Variants in SMC1B observed in about 807,000 individuals in gnomAD.
SMC1B encodes the protein structural maintenance of chromosomes 1B.
Under a neutral mutation model 157.9 loss-of-function variants are expected in SMC1B, and 60 were observed. The observed-to-expected ratio is 0.38, with a 90% CI of 0.31 to 0.47. The LOEUF (loss-of-function observed/expected upper bound fraction) is 0.47, where lower values mean the gene tolerates loss of function less well. SMC1B is among the 20% of genes least tolerant of loss of function. The pLI is 0.99. For synonymous variants in SMC1B, 445 were observed against 483.0 expected, an observed-to-expected ratio of 0.92 and a Z score of 1.03; for missense variants, 1,165 against 1,426.2, an observed-to-expected ratio of 0.82 and a Z score of 2.95.
intron 5 of SMC1B, among the ~76,000 whole-genome samples, chr22:45,400,542 G>A (rs2087180142): frequency 6.6e-6 from 1 of 152,266 alleles, no homozygotes; most frequent in South Asian, 2.1e-4. Context: ...AAATAATTAA[G>A]TAGAGACAAA....
chr22:45,408,593 A>T, intron 2 of SMC1B, 117 bp downstream of exon 2: 1 of 629,890 alleles, frequency 1.6e-6, no homozygotes, highest in Non-Finnish European at 2.6e-6. Context: ...AAGAGAAAAA[A>T]GAACTCTAGT....
rs763710587 is a variant in SMC1B at position 45,345,474 on chromosome 22, G to A, written c.3591C>T (p.Ile1197=). 11 of 1,611,882 alleles carry A rather than the reference G, an allele frequency of 6.8e-6. No individual in the cohort carries two copies. Among genetic ancestry groups the A allele is most frequent in the East Asian group, 2.2e-5 (1 of 44,844 alleles). Residue 1197 remains isoleucine, a synonymous_variant, in exon 24 of 25, where the codon ATC becomes ATT. Transcript: ENST00000357450. ...TTGTCTTTACCTCAGGATAGATGCC[G>A]ATCAGCGCGTCGGCTCTGGAATAGA... is the stretch of plus-strand genomic sequence containing the variant. ...EEFYSRADAL[I]GIYPEYDDCM...
intron 6 of SMC1B, 35 bp downstream of exon 6, chr22:45,399,060 A>G (rs2087160607): frequency 6.3e-7 from 1 of 1,576,796 alleles, no homozygotes; most frequent in East Asian, 2.2e-5. Flanking sequence ...GAAATAATAG[A>G]AACACAAGAT....
chr22:45,383,047 C>A (rs2086952016), intron 12 of SMC1B, among the ~76,000 whole-genome samples: 1 of 151,982 alleles, frequency 6.6e-6, no homozygotes, highest in Non-Finnish European at 1.5e-5. Flanking sequence ...GCAGGAGAAT[C>A]ACTTGAACCC....
At chr22:45,394,419 T>A (rs535571040) in intron 8 of SMC1B, among the ~76,000 whole-genome samples, 1 of 152,062 alleles carries the variant, frequency 6.6e-6, no homozygotes, top group African/African-American at 2.4e-5. Context: ...GGAGGGTGGA[T>A]TGCTTGGTCC....
At chr22:45,411,820 G>A (rs572581745) in intron 1 of SMC1B, among the ~76,000 whole-genome samples, 1 of 152,104 alleles carries the variant, frequency 6.6e-6, no homozygotes, top group East Asian at 1.9e-4. Flanking sequence ...CCTACCTCCA[G>A]TGATCTGCCT....
intron 4 of SMC1B, among the ~76,000 whole-genome samples, chr22:45,404,551 C>A (rs967562662): frequency 2.0e-5 from 3 of 152,192 alleles, no homozygotes; most frequent in Admixed American, 1.3e-4. Flanking sequence ...TACCTGGAGG[C>A]TTCCTGTGCA....
At chr22:45,393,997 G>A (rs1274144389) in intron 8 of SMC1B, among the ~76,000 whole-genome samples, 156 bp from the exon 9 acceptor site, 2 of 151,852 alleles carry the variant, frequency 1.3e-5, no homozygotes, top group Non-Finnish European at 2.9e-5. Context: ...ACCAAACATG[G>A]GCAAAAAAGA....
chr22:45,413,386 C>G, intron 1 of SMC1B, 73 bp downstream of exon 1: 1 of 1,243,152 alleles, frequency 8.0e-7, no homozygotes, highest in Non-Finnish European at 1.1e-6. Context: ...CGCCCACACC[C>G]CACAGGCCAC....
In SMC1B at chr22:45,349,734, T is replaced by A; in HGVS notation, c.3489A>T (p.Ile1163=). Residue 1163 remains isoleucine, a synonymous_variant, in exon 23 of 25, where the codon ATA becomes ATT. Coordinates refer to ENST00000357450, the MANE Select transcript of SMC1B (RefSeq NM_148674.5). ...ATGAAAAGCAGAAACTTACTTTGCC[T>A]ATGTTAGTATTGTCTAGGGCTGCAT... ...EVDAALDNTN[I]GKVSSYIKEQ... The A allele has an allele frequency of 6.2e-7, 1 of 1,612,058 alleles. No individual in the cohort carries two copies. The highest frequency in any genetic ancestry group is 8.5e-7 in the Non-Finnish European group (1 of 1,178,994).
chr22:45,371,602 G>A lies in SMC1B; in HGVS notation c.2197-15C>T. On this transcript the variant is annotated splice_polypyrimidine_tract_variant and intron_variant, in intron 13 of 24. Transcript: ENST00000357450. ...TGAGATTGTTCCTAATAACAAAAGA[G>A]AAAAATTTTTTTAACATGGCTGTTT... is the stretch of plus-strand genomic sequence containing the variant. The A allele has an allele frequency of 1.3e-6, 2 of 1,571,124 alleles. No homozygotes were observed. The highest frequency in any genetic ancestry group is 1.4e-5 in the African/African-American group (1 of 72,380).
rs1443511482 is a variant in SMC1B at position 45,354,085 on chromosome 22, C to G, written c.3166G>C (p.Glu1056Gln). 3 of 1,601,262 alleles carry G rather than the reference C, an allele frequency of 1.9e-6. No homozygotes were observed. The highest frequency in any genetic ancestry group is 1.1e-5 in the South Asian group (1 of 88,412). Residue 1056 changes from glutamate to glutamine, a missense_variant, in exon 21 of 25, where the codon GAG (glutamate) becomes CAG (glutamine). Glu to Gln is a conservative substitution (Grantham distance 29). Coordinates refer to ENST00000357450, the MANE Select transcript of SMC1B (RefSeq NM_148674.5). ...TCGTATCTCCTTTTTTTCACTTGCT[C>G]GAACTCTTGCCTACACAGTCTGGCT... ...KEARLCRQEF[E>Q]QVKKRRYDLF... is the part of the protein sequence containing the mutation.
chr22:45,404,622 T>G (rs2087236924), intron 4 of SMC1B, among the ~76,000 whole-genome samples: 1 of 152,270 alleles, frequency 6.6e-6, no homozygotes, highest in Admixed American at 6.5e-5. Flanking sequence ...TTTCTATTGA[T>G]TCCAGGTCTT....
At chr22:45,353,537 A>T (rs1218917914) in intron 21 of SMC1B, among the ~76,000 whole-genome samples, 1 of 152,096 alleles carries the variant, frequency 6.6e-6, no homozygotes, top group Non-Finnish European at 1.5e-5. Context: ...TCTGAATTTG[A>T]ACCCTGCCTT....
intron 23 of SMC1B, 102 bp downstream of exon 23, chr22:45,349,626 G>T (rs1247654073): frequency 2.0e-6 from 2 of 1,018,860 alleles, no homozygotes; most frequent in Non-Finnish European, 3.0e-6. Context: ...GAGCCACCGT[G>T]CCTAGACCAA....
Position 45,354,856 on chromosome 22 carries a change from A to G in SMC1B, c.3118+103T>C, listed in dbSNP as rs186164984. ...TTAATATAAGACCACAGAGGAAAAAATCTATAACAAAAAGGGACAACAGAG... is the reference window on the plus strand; with the variant it reads ...TTAATATAAGACCACAGAGGAAAAAGTCTATAACAAAAAGGGACAACAGAG... On this transcript the variant is annotated intron_variant, in intron 20 of 24. Coordinates refer to ENST00000357450, the MANE Select transcript of SMC1B (RefSeq NM_148674.5). 4.5e-5 allele frequency: 49 copies of G among 1,077,778 alleles called. No individual in the cohort carries two copies. In the African/African-American group the frequency reaches 5.8e-4, roughly 13 times the overall value. The allele number at this position is 1,077,778 out of a possible 1,614,324, so 66.8% of individuals were successfully genotyped here.
At chr22:45,383,932 A>G (rs914633879) in intron 11 of SMC1B, among the ~76,000 whole-genome samples, 3 of 152,252 alleles carry the variant, frequency 2.0e-5, no homozygotes, top group African/African-American at 7.2e-5. Context: ...ATCATTTCAT[A>G]TACATGTAAG....
chr22:45,410,497 G>T (rs1050625415), intron 1 of SMC1B, among the ~76,000 whole-genome samples: 2 of 152,168 alleles, frequency 1.3e-5, no homozygotes, highest in African/African-American at 2.4e-5. Context: ...GAGGTCAGGG[G>T]TTCGAGACCA....
Position 45,344,502 on chromosome 22 carries a change from T to G in SMC1B, c.*54A>C. ...AGAAGTCTCCTGTGGAGGAGCTGTGTGAGTATTAGAGTGGGAACTGAACAG... is the reference window on the plus strand; with the variant it reads ...AGAAGTCTCCTGTGGAGGAGCTGTGGGAGTATTAGAGTGGGAACTGAACAG... On this transcript the variant is annotated 3_prime_UTR_variant, in exon 25 of 25. Coordinates refer to ENST00000357450, the MANE Select transcript of SMC1B (RefSeq NM_148674.5). 8.0e-5 allele frequency: 101 copies of G among 1,263,564 alleles called. No homozygotes were observed. Among genetic ancestry groups the G allele is most frequent in the Non-Finnish European group, 1.0e-4 (88 of 863,906 alleles). The allele number at this position is 1,263,564 out of a possible 1,614,324, so 78.3% of individuals were successfully genotyped here.
Sources: gnomAD v4.1 joint callset for allele counts (sites outside exome capture counted in the v4.1 genomes callset) on GRCh38, gnomAD v4.1.1 for gene constraint, MANE v1.5 for transcripts, NCBI Gene and HGNC (gene_info 2026-07-23, HGNC 2026-07-21) for gene names.